Variants in IFT140 observed in about 807,000 individuals in gnomAD.
IFT140 encodes intraflagellar transport 140.
IFT140 carries 133 observed loss-of-function variants against 164.6 expected under a neutral mutation model. The observed-to-expected ratio is 0.81, with a 90% CI of 0.70 to 0.93. The LOEUF is 0.93. Ranked by LOEUF, IFT140 falls within the 40% of genes least tolerant of loss-of-function variation. The pLI is 0.00. For synonymous variants in IFT140, 860 were observed against 817.3 expected, an observed-to-expected ratio of 1.05 and a Z score of -0.89; for missense variants, 2,045 against 1,972.3, an observed-to-expected ratio of 1.04 and a Z score of -0.70.
intron 13 of IFT140, among the ~76,000 whole-genome samples, chr16:1,579,693 G>A (rs1226498558): frequency 6.6e-6 from 1 of 152,156 alleles, no homozygotes; most frequent in Non-Finnish European, 1.5e-5. Flanking sequence ...CTGGCCAGGC[G>A]TGGTGGCTCA....
At chr16:1,534,203 G>A (rs901017963) in intron 19 of IFT140, 25 of 1,575,214 alleles carry the variant, frequency 1.6e-5, no homozygotes, top group Middle Eastern at 2.0e-4. Flanking sequence ...TAGCAGCGTC[G>A]GCTCTCCCTG....
Position 1,533,993 on chromosome 16 carries a change from C to T in IFT140, c.2400-7197G>A. On this transcript the variant is annotated intron_variant, in intron 19 of 30. Coordinates refer to ENST00000426508, the MANE Select transcript of IFT140 (RefSeq NM_014714.4). This position sits in a 1 kb window ranked among gnomAD's most constrained non-coding sequence, Gnocchi z 4.7. ...CGCTTCCCGGGAAGACGGCGCACTCCTGGCCCTGGGTTCTTGCTGCTGCCC... is the reference window on the plus strand; with the variant it reads ...CGCTTCCCGGGAAGACGGCGCACTCTTGGCCCTGGGTTCTTGCTGCTGCCC... 1 of 483,104 alleles carries T rather than the reference C, an allele frequency of 2.1e-6. No homozygotes were observed. The highest frequency in any genetic ancestry group is 3.6e-6 in the Non-Finnish European group (1 of 275,748). The allele number at this position is 483,104 out of a possible 1,614,324, so 29.9% of individuals were successfully genotyped here. A position where few individuals can be genotyped will look rare whatever the true frequency, so the allele number is the denominator to read the frequency against.
chr16:1,603,067 C>T (rs144866064), intron 3 of IFT140, among the ~76,000 whole-genome samples: 87 of 152,234 alleles, frequency 5.7e-4, no homozygotes, highest in East Asian at 2.9e-3. Context: ...TTCATAAAAA[C>T]GCACCAACCT....
rs1366355913 is a variant in IFT140 at position 1,551,934 on chromosome 16, G to C, written c.2399+6001C>G. Among the ~76,000 whole-genome samples the C allele has an allele frequency of 6.6e-6, 1 of 152,110 alleles. No individual in the cohort carries two copies. Among genetic ancestry groups the C allele is most frequent in the African/African-American group, 2.4e-5 (1 of 41,404 alleles). ...GGTGTGTCCCTGGTGATGTCCCCGG[G>C]GCCTCTCCCTGGTGACGTGTGGCCC... is the stretch of plus-strand genomic sequence containing the variant. On this transcript the variant is annotated intron_variant, in intron 19 of 30. Coordinates refer to ENST00000426508, the MANE Select transcript of IFT140 (RefSeq NM_014714.4). This position sits in a 1 kb window ranked among gnomAD's most constrained non-coding sequence, Gnocchi z 4.0.
rs984037994 is a variant in IFT140 at position 1,612,027 on chromosome 16, G to A, written c.-281C>T. The A allele has an allele frequency of 5.9e-5, 9 of 152,188 alleles. No homozygotes were observed. The highest frequency in any genetic ancestry group is 1.7e-4 in the African/African-American group (7 of 41,432). 9.4% of individuals were successfully genotyped at this position (152,188 alleles called of 1,614,324 possible). On this transcript the variant is annotated 5_prime_UTR_variant, in exon 1 of 31. Transcript: ENST00000426508. ...AGGTTCGCGCCCGATTCCACACTCC[G>A]AGCTACCACGCCGTTTTCTTCTCAC...
At chr16:1,534,362 C>T in intron 19 of IFT140, 5 of 1,612,884 alleles carry the variant, frequency 3.1e-6, no homozygotes, top group Non-Finnish European at 4.2e-6. Flanking sequence ...TCACCTCCAA[C>T]TGGGTGTGCC....
At chr16:1,516,186 A>T (rs892732569) in intron 30 of IFT140, among the ~76,000 whole-genome samples, 1 of 148,822 alleles carries the variant, frequency 6.7e-6, no homozygotes, top group African/African-American at 2.5e-5. Flanking sequence ...AAACACCAGA[A>T]ATGGATGGTA....
Position 1,531,235 on chromosome 16 carries a change from T to C in IFT140, c.2400-4439A>G, listed in dbSNP as rs2030455092. On this transcript the variant is annotated intron_variant, in intron 19 of 30. Coordinates refer to ENST00000426508, the MANE Select transcript of IFT140 (RefSeq NM_014714.4). The surrounding 1 kb of genome is among the most constrained non-coding windows in gnomAD (Gnocchi z 4.7). ...ATTTCCTGTTGTCCCGGCCAGTCTG[T>C]GGAGTCACCCACATCTGCACTTCAT... 1 of 152,202 alleles carries C rather than the reference T, an allele frequency of 6.6e-6. No individual in the cohort carries two copies. Among genetic ancestry groups the C allele is most frequent in the African/African-American group, 2.4e-5 (1 of 41,446 alleles). The allele number at this position is 152,202 out of a possible 1,614,324, so 9.4% of individuals were successfully genotyped here. A position where few individuals can be genotyped will look rare whatever the true frequency, so the allele number is the denominator to read the frequency against.
At chr16:1,544,643 T>A (rs753674779) in intron 19 of IFT140, among the ~76,000 whole-genome samples, 1 of 151,848 alleles carries the variant, frequency 6.6e-6, no homozygotes, top group Non-Finnish European at 1.5e-5. Context: ...TCACTGCATT[T>A]CTTTTTCTTT....
intron 14 of IFT140, among the ~76,000 whole-genome samples, chr16:1,569,375 A>G (rs190228863): frequency 7.8e-4 from 118 of 151,324 alleles, no homozygotes; most frequent in African/African-American, 2.5e-3. Flanking sequence ...TATCATTCGG[A>G]CTCACACTAG....
intron 19 of IFT140, among the ~76,000 whole-genome samples, chr16:1,539,804 G>A (rs968450079): frequency 1.3e-5 from 2 of 152,192 alleles, no homozygotes; most frequent in Non-Finnish European, 2.9e-5. Context: ...TCTCCCCCTT[G>A]CCAGCGGAAG....
chr16:1,554,235 G>C, intron 19 of IFT140: 1 of 760,776 alleles, frequency 1.3e-6, no homozygotes, highest in Non-Finnish European at 1.8e-6. Context: ...CAAAGGCCAA[G>C]AGCAAGAAAA....
chr16:1,559,439 T>G (rs1383817932), intron 18 of IFT140, among the ~76,000 whole-genome samples: 1 of 152,144 alleles, frequency 6.6e-6, no homozygotes, highest in African/African-American at 2.4e-5. Context: ...TCCTAAGAGC[T>G]GCTGGACCCG....
At chr16:1,525,123 C>T in intron 22 of IFT140, 108 bp downstream of exon 22, 1 of 1,182,358 alleles carries the variant, frequency 8.5e-7, no homozygotes, top group Non-Finnish European at 1.2e-6. Context: ...AGGACGCTGC[C>T]CACTCGTGCA....
chr16:1,563,348 G>A (rs1353346552), intron 17 of IFT140, among the ~76,000 whole-genome samples: 1 of 150,552 alleles, frequency 6.6e-6, no homozygotes, highest in Non-Finnish European at 1.5e-5. Context: ...AGGCTGGAGA[G>A]CAGTGGCGCG....
chr16:1,526,205 C>T, intron 20 of IFT140, 128 bp from the exon 21 acceptor site: 1 of 906,582 alleles, frequency 1.1e-6, no homozygotes, highest in East Asian at 2.7e-5. Context: ...CACGGGGCCG[C>T]TGTGGGCACA....
chr16:1,522,844 A>G (rs759731692), intron 26 of IFT140, among the ~76,000 whole-genome samples: 2 of 152,146 alleles, frequency 1.3e-5, no homozygotes, highest in Non-Finnish European at 2.9e-5. Context: ...AAAAAATGGC[A>G]TCTCCGTGAA....
chr16:1,560,213 C>T (rs1265453503), intron 18 of IFT140, among the ~76,000 whole-genome samples: 1 of 152,190 alleles, frequency 6.6e-6, no homozygotes, highest in East Asian at 1.9e-4. Context: ...AGGGAGCCCT[C>T]CATTTGGCGA....
At chr16:1,587,822 C>G in intron 8 of IFT140, 111 bp downstream of exon 8, 1 of 817,622 alleles carries the variant, frequency 1.2e-6, no homozygotes, top group Non-Finnish European at 2.0e-6. Flanking sequence ...TGAGAGCACT[C>G]AGCATCATAT....
Sources: allele counts gnomAD v4.1 joint callset (sites outside exome capture counted in the v4.1 genomes callset), GRCh38; gene constraint gnomAD v4.1.1; non-coding constraint Gnocchi (gnomAD v3.1); transcripts MANE v1.5; gene names NCBI Gene and HGNC (gene_info 2026-07-23, HGNC 2026-07-21).